RUNDC3B: variants seen among roughly 807,000 people sequenced by gnomAD.
RUNDC3B encodes the protein RUN domain containing 3B.
RUNDC3B carries 33 observed loss-of-function variants against 58.4 expected under a neutral mutation model. The observed-to-expected ratio is 0.56, with a 90% CI of 0.43 to 0.75. The LOEUF (loss-of-function observed/expected upper bound fraction) is 0.75. Among genes scored for constraint, RUNDC3B ranks in the 30% least tolerant of loss-of-function variants. The pLI is 0.00. For missense variants in RUNDC3B, 501 were observed against 535.7 expected (o/e 0.94, Z 0.64); for synonymous variants, 193 against 195.2 (o/e 0.99, Z 0.10).
intron 8 of RUNDC3B, among the ~76,000 whole-genome samples, chr7:87,800,513 G>A (rs762682099): frequency 3.9e-5 from 6 of 152,162 alleles, no homozygotes; most frequent in Non-Finnish European, 5.9e-5. Context: ...GTACCCAGAA[G>A]TGGGATGGCT....
At chr7:87,729,472 GCC>G (rs1831450943) in intron 4 of RUNDC3B, among the ~76,000 whole-genome samples, 1 of 152,172 alleles carries the variant, frequency 6.6e-6, no homozygotes, top group South Asian at 2.1e-4. Flanking sequence ...ACTCAGTACT[GCC>G]CTGTCACAGC....
At position 87,705,151 on chromosome 7, in the gene RUNDC3B, G is replaced by A. The variant is rs575697310; in HGVS notation, c.372+4597G>A. Among the ~76,000 whole-genome samples, 8 of 152,334 alleles carry A rather than the reference G, an allele frequency of 5.3e-5. No individual in the cohort carries two copies. In the South Asian group the frequency reaches 1.2e-3, roughly 24 times the overall value. The stretch of plus-strand genomic sequence containing the variant: ...CTAGGTTAAGATCAATGGGCCAGGC[G>A]TGGTGGCTCATGCCTGTAATCCCAA... On this transcript the variant is annotated intron_variant, in intron 3 of 10. Coordinates refer to ENST00000394654, the MANE Select transcript of RUNDC3B (RefSeq NM_001134405.2).
intron 9 of RUNDC3B, among the ~76,000 whole-genome samples, 166 bp from the exon 10 acceptor site, chr7:87,815,975 A>C (rs1471106393): frequency 1.3e-5 from 2 of 152,164 alleles, no homozygotes; most frequent in Non-Finnish European, 2.9e-5. Flanking sequence ...GATAGAAAGT[A>C]TAATGGAGAT....
At chr7:87,724,937 A>G (rs1383639633) in intron 4 of RUNDC3B, among the ~76,000 whole-genome samples, 6 of 152,002 alleles carry the variant, frequency 3.9e-5, no homozygotes, top group African/African-American at 1.4e-4. Flanking sequence ...AAAAGAAATA[A>G]TTATTCATTT....
chr7:87,825,949 C>T (rs1272509488), intron 10 of RUNDC3B, among the ~76,000 whole-genome samples: 1 of 152,176 alleles, frequency 6.6e-6, no homozygotes, highest in Non-Finnish European at 1.5e-5. Flanking sequence ...AAGTAACTAA[C>T]TTGCTTTTGA....
At chr7:87,665,572 A>C (rs904985863) in intron 2 of RUNDC3B, among the ~76,000 whole-genome samples, 1 of 152,130 alleles carries the variant, frequency 6.6e-6, no homozygotes, top group South Asian at 2.1e-4. Flanking sequence ...TCAAGGGTAC[A>C]TGTGCAGGTT....
At chr7:87,820,752 G>A (rs1285806402) in intron 10 of RUNDC3B, among the ~76,000 whole-genome samples, 1 of 151,208 alleles carries the variant, frequency 6.6e-6, no homozygotes, top group Non-Finnish European at 1.5e-5. Context: ...ATCAATAAAT[G>A]TAATCCAGCA....
chr7:87,780,607 T>C (rs1289982129), intron 8 of RUNDC3B, among the ~76,000 whole-genome samples: 3 of 152,168 alleles, frequency 2.0e-5, no homozygotes, highest in Non-Finnish European at 2.9e-5. Context: ...TTAGTTTAAT[T>C]AGGTCCCACT....
chr7:87,634,083 C>G (rs1490808333), intron 1 of RUNDC3B, among the ~76,000 whole-genome samples: 2 of 152,170 alleles, frequency 1.3e-5, no homozygotes, highest in East Asian at 3.9e-4. Context: ...TTTTTATCAA[C>G]CTACTCTTCT....
intron 2 of RUNDC3B, 37 bp from the exon 3 acceptor site, chr7:87,700,384 C>G: frequency 6.6e-7 from 1 of 1,517,166 alleles, no homozygotes; most frequent in Non-Finnish European, 8.9e-7. Flanking sequence ...TTTTATTTTA[C>G]TTTTTAAAAT....
chr7:87,817,129 C>T (rs562493696), intron 10 of RUNDC3B, among the ~76,000 whole-genome samples: 16 of 152,310 alleles, frequency 1.1e-4, no homozygotes, highest in Non-Finnish European at 1.8e-4. Flanking sequence ...TGCCTTCTCT[C>T]TTGCAGTAAA....
At chr7:87,636,615 A>G (rs921780192) in intron 1 of RUNDC3B, among the ~76,000 whole-genome samples, 3 of 152,180 alleles carry the variant, frequency 2.0e-5, no homozygotes, top group Non-Finnish European at 2.9e-5. Context: ...TAATGTCTTT[A>G]AGAAGCCAGC....
intron 10 of RUNDC3B, among the ~76,000 whole-genome samples, chr7:87,821,263 G>A (rs201223636): frequency 7.3e-5 from 11 of 151,592 alleles, no homozygotes; most frequent in South Asian, 2.1e-4. Flanking sequence ...AACAGAGAGC[G>A]AAATCATGAG....
chr7:87,648,067 C>T (rs899709671), intron 1 of RUNDC3B, among the ~76,000 whole-genome samples: 4 of 151,688 alleles, frequency 2.6e-5, no homozygotes, highest in Admixed American at 1.3e-4. Context: ...CGCCTGTAGT[C>T]CCAGCTACTC....
chr7:87,786,419 T>A (rs1298074733), intron 8 of RUNDC3B, among the ~76,000 whole-genome samples: 1 of 151,532 alleles, frequency 6.6e-6, no homozygotes, highest in African/African-American at 2.4e-5. Flanking sequence ...TTTTTCTTCT[T>A]TTTTTTTAAT....
chr7:87,792,729 T>C (rs1835592456), intron 8 of RUNDC3B, among the ~76,000 whole-genome samples: 1 of 152,044 alleles, frequency 6.6e-6, no homozygotes. Flanking sequence ...GGGAACTTCA[T>C]ACCTATAAGT....
At chr7:87,823,454 G>A (rs1374652425) in intron 10 of RUNDC3B, among the ~76,000 whole-genome samples, 2 of 150,870 alleles carry the variant, frequency 1.3e-5, no homozygotes, top group Admixed American at 1.3e-4. Context: ...TTGGGAAATA[G>A]GGGATGTTTG....
chr7:87,740,239 A>G (rs1832234420), intron 5 of RUNDC3B, among the ~76,000 whole-genome samples: 3 of 152,166 alleles, frequency 2.0e-5, no homozygotes, highest in South Asian at 4.1e-4. Flanking sequence ...AAGTAGTTTC[A>G]AAGCCAGAAA....
chr7:87,784,854 T>G (rs1486984685), intron 8 of RUNDC3B, among the ~76,000 whole-genome samples: 1 of 151,974 alleles, frequency 6.6e-6, no homozygotes, highest in Non-Finnish European at 1.5e-5. Context: ...TATGTTTCCT[T>G]AGCCCTAAGG....
Sources: allele counts gnomAD v4.1 joint callset (sites outside exome capture counted in the v4.1 genomes callset), GRCh38; gene constraint gnomAD v4.1.1; transcripts MANE v1.5; gene names NCBI Gene and HGNC (gene_info 2026-07-23, HGNC 2026-07-21).